Variants in GPC6 observed in about 807,000 individuals in gnomAD.
The protein encoded by GPC6 is glypican 6.
A neutral mutation model predicts 55.2 loss-of-function variants in GPC6; 14 were observed. The ratio of observed to expected loss-of-function variants is 0.25; its 90% CI spans 0.17 to 0.40. The LOEUF is 0.40. Ranked by LOEUF, GPC6 falls within the 10% of genes least tolerant of loss-of-function variation. GPC6 has a pLI of 1.00. For synonymous variants in GPC6, 278 were observed against 259.6 expected (o/e 1.07, Z -0.68); for missense variants, 641 against 708.5 (o/e 0.90, Z 1.08).
chr13:93,290,890 A>G (rs1043174416), intron 1 of GPC6, among the ~76,000 whole-genome samples: 1 of 152,168 alleles, frequency 6.6e-6, no homozygotes, highest in African/African-American at 2.4e-5. Flanking sequence ...AAAAACAGCC[A>G]TTATGTTAAA....
rs544158265 is a variant in GPC6, at chr13:93,319,697, C to T, written c.160+92081C>T. 4.6e-5 allele frequency among the ~76,000 whole-genome samples: 7 copies of T among 152,094 alleles called. No homozygotes were observed. In the East Asian group the frequency reaches 5.8e-4, roughly 13 times the overall value. On this transcript the variant is annotated intron_variant, in intron 1 of 8. Coordinates refer to ENST00000377047, the MANE Select transcript of GPC6 (RefSeq NM_005708.5). Reference sequence around the variant, plus strand: ...AAAGTAATAAAATTAAGTCCCAGGACGGAAGGAAAGGTGCTTCCACATGCT... The same window carrying T: ...AAAGTAATAAAATTAAGTCCCAGGATGGAAGGAAAGGTGCTTCCACATGCT...
At chr13:94,357,776 T>C (rs1878867700) in intron 6 of GPC6, among the ~76,000 whole-genome samples, 1 of 152,218 alleles carries the variant, frequency 6.6e-6, no homozygotes, top group Non-Finnish European at 1.5e-5. Flanking sequence ...TGAAAATACA[T>C]ACTCTACACT....
chr13:93,374,464 C>T (rs537629835), intron 1 of GPC6, among the ~76,000 whole-genome samples: 3 of 152,160 alleles, frequency 2.0e-5, no homozygotes, highest in South Asian at 2.1e-4. Context: ...TTACCCTGTG[C>T]GGGCAGTGTG....
chr13:94,177,336 G>A (rs964972697), intron 4 of GPC6, among the ~76,000 whole-genome samples: 8 of 151,942 alleles, frequency 5.3e-5, no homozygotes, highest in African/African-American at 1.7e-4. Context: ...ACTTCTATGT[G>A]TCAACCACCA....
At position 94,406,094 on chromosome 13, in the gene GPC6, A is replaced by G. The variant is rs936950415; in HGVS notation, c.*2877A>G. 1 of 152,114 alleles carries G rather than the reference A, an allele frequency of 6.6e-6. No individual in the cohort carries two copies. Among genetic ancestry groups the G allele is most frequent in the African/African-American group, 2.4e-5 (1 of 41,430 alleles). 9.4% of individuals were successfully genotyped at this position (152,114 alleles called of 1,614,324 possible). A position where few individuals can be genotyped will look rare whatever the true frequency, so the allele number is the denominator to read the frequency against. On this transcript the variant is annotated 3_prime_UTR_variant, in exon 9 of 9. Transcript: ENST00000377047. ...CTGTAATCATATCATAACTTTTGTT[A>G]TGAATAGAGAGGAATGGGCTCACTG... is the stretch of plus-strand genomic sequence containing the variant.
At chr13:93,482,189 T>TGTGTAGAAACTAACTACTTGTGTTA (rs1368114102) in intron 1 of GPC6, among the ~76,000 whole-genome samples, 1 of 152,148 alleles carries the variant, frequency 6.6e-6, no homozygotes, top group African/African-American at 2.4e-5. Context: ...TCTTTGTTAG[T>TGTGTAGAAACTAACTACTTGTGTTA]GTGTAGAAAC....
chr13:93,362,690 ATT>A (rs11333261), intron 1 of GPC6, among the ~76,000 whole-genome samples: 4 of 139,772 alleles, frequency 2.9e-5, no homozygotes, highest in East Asian at 2.0e-4. Flanking sequence ...AAAAAAAAAA[ATT>A]TTTTTTAAAG....
intron 2 of GPC6, among the ~76,000 whole-genome samples, chr13:93,672,717 A>T (rs1272645116): frequency 1.3e-5 from 2 of 151,632 alleles, no homozygotes; most frequent in African/African-American, 4.8e-5. Flanking sequence ...CATTATATGT[A>T]AAATTAGATA....
In GPC6 at chr13:93,965,967, G is replaced by A. The variant is rs143006018; in HGVS notation, c.712-61762G>A. ...TGGCCAGCCCTCTTCCCGCAGCCCA[G>A]CACATCTATCAGCCCAATATCTCCT... On this transcript the variant is annotated intron_variant, in intron 3 of 8. Coordinates refer to ENST00000377047, the MANE Select transcript of GPC6 (RefSeq NM_005708.5). Among the ~76,000 whole-genome samples, 99 of 152,236 alleles carry A rather than the reference G, an allele frequency of 6.5e-4. 1 individual carries two copies. The highest frequency in any genetic ancestry group is 5.6e-3 in the East Asian group (29 of 5,166).
At chr13:93,263,096 G>C (rs1877206386) in intron 1 of GPC6, among the ~76,000 whole-genome samples, 1 of 152,056 alleles carries the variant, frequency 6.6e-6, no homozygotes, top group Non-Finnish European at 1.5e-5. Context: ...AACAAATATG[G>C]GTGTTCTGGG....
intron 1 of GPC6, among the ~76,000 whole-genome samples, chr13:93,523,020 T>A (rs1231171473): frequency 2.7e-5 from 4 of 148,732 alleles, no homozygotes; most frequent in Admixed American, 6.7e-5. Context: ...AAAATATATA[T>A]ATATATATAT....
intron 3 of GPC6, among the ~76,000 whole-genome samples, chr13:93,919,721 T>G (rs575743539): frequency 1.3e-5 from 2 of 152,354 alleles, no homozygotes; most frequent in Admixed American, 6.5e-5. Flanking sequence ...ATGCTGATAT[T>G]CCTGTGTCCA....
At chr13:94,338,537 G>C (rs1490102635) in intron 6 of GPC6, among the ~76,000 whole-genome samples, 10 of 152,126 alleles carry the variant, frequency 6.6e-5, no homozygotes, top group Admixed American at 6.5e-4. Context: ...GACCAGCCAT[G>C]GTCCATTTTT....
At chr13:94,007,031 G>A (rs1882049831) in intron 3 of GPC6, among the ~76,000 whole-genome samples, 1 of 152,112 alleles carries the variant, frequency 6.6e-6, no homozygotes, top group African/African-American at 2.4e-5. Flanking sequence ...CTGTTTCTCT[G>A]CGTAACTTAC....
chr13:93,886,694 C>A (rs2140314153), intron 3 of GPC6, among the ~76,000 whole-genome samples: 1 of 151,132 alleles, frequency 6.6e-6, no homozygotes, highest in East Asian at 2.0e-4. Context: ...GACAGGCATA[C>A]AATGACGTTT....
intron 1 of GPC6, among the ~76,000 whole-genome samples, chr13:93,278,337 C>T (rs920819694): frequency 6.6e-6 from 1 of 152,124 alleles, no homozygotes; most frequent in African/African-American, 2.4e-5. Flanking sequence ...CAGTTCGATA[C>T]TATTAGGTAT....
chr13:93,874,391 A>G (rs1321284472), intron 3 of GPC6, among the ~76,000 whole-genome samples: 2 of 151,690 alleles, frequency 1.3e-5, no homozygotes, highest in Non-Finnish European at 2.9e-5. Flanking sequence ...GTTCTTTTTT[A>G]TGGCTGCATA....
At chr13:93,289,455 G>A (rs765186950) in intron 1 of GPC6, among the ~76,000 whole-genome samples, 4 of 152,070 alleles carry the variant, frequency 2.6e-5, no homozygotes, top group Non-Finnish European at 5.9e-5. Flanking sequence ...AACAAAAGAG[G>A]CATTTAAAAG....
intron 4 of GPC6, among the ~76,000 whole-genome samples, chr13:94,058,742 G>A (rs549937399): frequency 6.6e-6 from 1 of 152,286 alleles, no homozygotes; most frequent in East Asian, 1.9e-4. Flanking sequence ...TACTGTCATT[G>A]AATGATGAGG....
Sources: allele counts gnomAD v4.1 joint callset (sites outside exome capture counted in the v4.1 genomes callset), GRCh38; gene constraint gnomAD v4.1.1; transcripts MANE v1.5; gene names NCBI Gene and HGNC (gene_info 2026-07-23, HGNC 2026-07-21).